Variants in TGM7 observed in about 807,000 individuals in gnomAD.
TGM7 encodes protein-glutamine gamma-glutamyltransferase Z.
In TGM7, 74 loss-of-function variants were observed where a neutral mutation model predicts 79.5. That is an observed-to-expected ratio of 0.93 (90% CI 0.77 to 1.13). The LOEUF is 1.13. Ranked by LOEUF, TGM7 falls within the 50% of genes most tolerant of loss-of-function variation. The probability of loss-of-function intolerance (pLI) is 0.00; values close to 1 mark genes in which losing one functional copy is unlikely to be tolerated. For missense variants in TGM7, 912 were observed against 905.9 expected, an observed-to-expected ratio of 1.01 and a Z score of -0.09; for synonymous variants, 354 against 362.5, an observed-to-expected ratio of 0.98 and a Z score of 0.27.
At chr15:43,298,054 G>C (rs894521286) in intron 1 of TGM7, among the ~76,000 whole-genome samples, 2 of 152,214 alleles carry the variant, frequency 1.3e-5, no homozygotes, top group African/African-American at 4.8e-5. Context: ...ATGTCTGAAA[G>C]AATTTATGTT....
At chr15:43,301,495 T>G (rs1366151884) in intron 1 of TGM7, among the ~76,000 whole-genome samples, 1 of 151,136 alleles carries the variant, frequency 6.6e-6, no homozygotes, top group Non-Finnish European at 1.5e-5. Flanking sequence ...CCGTGTATGG[T>G]GGCAGGCACC....
intron 1 of TGM7, among the ~76,000 whole-genome samples, chr15:43,297,635 A>AAGAG (rs5812242): frequency 0.072 from 5,617 of 77,596 alleles, 228 homozygotes; most frequent in African/African-American, 0.12. Flanking sequence ...GAAAGAAAGA[A>AAGAG]AAAGAAAGAA....
chr15:43,287,329 C>A lies in TGM7; in HGVS notation c.816G>T (p.Gln272His), dbSNP rs981967625. 5 of 1,614,094 alleles carry A rather than the reference C, an allele frequency of 3.1e-6. No homozygotes were observed. In the Admixed American group the frequency reaches 6.7e-5, roughly 22 times the overall value. Reference sequence around the variant, plus strand: ...CCCAGCACTGTCCGTACTTCACAGGCTGCCCGCCCCTGGCTGACCACTGCT... The same window carrying A: ...CCCAGCACTGTCCGTACTTCACAGGATGCCCGCCCCTGGCTGACCACTGCT... ...ILQQWSARGG[Q>H]PVKYGQCWVF... The change falls in exon 6 of 13, where the codon CAG becomes CAT. Residue 272 changes from glutamine to histidine, a missense_variant. By Grantham distance (24) the Gln-to-His change is conservative. Coordinates refer to ENST00000452443, the MANE Select transcript of TGM7 (RefSeq NM_052955.3).
In TGM7 at chr15:43,297,651, A is replaced by G. The variant is rs945200630; in HGVS notation, c.11-4020T>C. ...AAAGAAAGAAAAAGAAAGAAAGAAAAAGACATTGAAACAGCCATCTGCATG... is the reference window on the plus strand; with the variant it reads ...AAAGAAAGAAAAAGAAAGAAAGAAAGAGACATTGAAACAGCCATCTGCATG... On this transcript the variant is annotated intron_variant, in intron 1 of 12. Coordinates refer to ENST00000452443, the MANE Select transcript of TGM7 (RefSeq NM_052955.3). Among the ~76,000 whole-genome samples the G allele has an allele frequency of 6.2e-5, 9 of 145,104 alleles. 1 individual carries two copies. Among genetic ancestry groups the G allele is most frequent in the South Asian group, 2.2e-4 (1 of 4,590 alleles).
Position 43,282,082 on chromosome 15 carries a change from C to A in TGM7, c.1113G>T (p.Leu371=). 6.2e-7 allele frequency: 1 copy of A among 1,614,078 alleles called. No homozygotes were observed. The highest frequency in any genetic ancestry group is 8.5e-7 in the Non-Finnish European group (1 of 1,179,976). The change falls in exon 9 of 13, where the codon CTG becomes CTT. Residue 371 remains leucine, a synonymous_variant. Transcript: ENST00000452443. ...DPTPQQTSSG[L]FCCGPASVKA... The stretch of plus-strand genomic sequence containing the variant: ...TCACAGAGGCAGGGCCACAGCAGAA[C>A]AGCCCTGTGGAGGCAACAGGCTACT...
Position 43,281,841 on chromosome 15 carries a change from C to A in TGM7, c.1351+3G>T. On this transcript the variant is annotated splice_donor_region_variant and intron_variant, in intron 9 of 12. Transcript: ENST00000452443. ...GCCCTTTCCCCAAATACCCGCCCAGCACCTTCTGGGTACTTGTAGGAGCTG... is the reference window on the plus strand; with the variant it reads ...GCCCTTTCCCCAAATACCCGCCCAGAACCTTCTGGGTACTTGTAGGAGCTG... 6.2e-7 allele frequency: 1 copy of A among 1,613,688 alleles called. No homozygotes were observed. Among genetic ancestry groups the A allele is most frequent in the Non-Finnish European group, 8.5e-7 (1 of 1,179,566 alleles).
intron 6 of TGM7, among the ~76,000 whole-genome samples, chr15:43,286,198 C>T (rs1003579286): frequency 9.8e-5 from 15 of 152,298 alleles, no homozygotes; most frequent in African/African-American, 3.6e-4. Context: ...GTGGGAGCTA[C>T]ACCTGGGCTG....
Position 43,279,275 on chromosome 15 carries a change from T to C in TGM7, c.1681A>G (p.Thr561Ala), listed in dbSNP as rs1440403934. 1 of 1,613,646 alleles carries C rather than the reference T, an allele frequency of 6.2e-7. No homozygotes were observed. Among genetic ancestry groups the C allele is most frequent in the African/African-American group, 1.3e-5 (1 of 74,896 alleles). ...VRMNLDFGKE[T>A]QWPLLLPYSN... Reference sequence around the variant, plus strand: ...TAGGGCAGGAGGAGCGGCCACTGTGTCTCTAAGCACATACAAAAGACACCT... The same window carrying C: ...TAGGGCAGGAGGAGCGGCCACTGTGCCTCTAAGCACATACAAAAGACACCT... The change falls in exon 11 of 13, where the codon ACA becomes GCA. Residue 561 changes from threonine to alanine, a missense_variant and splice_region_variant. By Grantham distance (58) the Thr-to-Ala change is moderately conservative (BLOSUM62 0). Transcript: ENST00000452443.
intron 1 of TGM7, among the ~76,000 whole-genome samples, chr15:43,301,176 T>C (rs2043023511): frequency 6.6e-6 from 1 of 151,846 alleles, no homozygotes; most frequent in African/African-American, 2.4e-5. Flanking sequence ...AGAGACAGTA[T>C]TTCACTATGT....
chr15:43,302,047 A>T (rs887372967), intron 1 of TGM7, 194 bp downstream of exon 1: 13 of 646,264 alleles, frequency 2.0e-5, no homozygotes, highest in Non-Finnish European at 3.6e-5. Flanking sequence ...AAAGAAAACG[A>T]ATGGCTGTAG....
At chr15:43,292,475 A>G (rs1448736933) in intron 3 of TGM7, among the ~76,000 whole-genome samples, 2 of 152,230 alleles carry the variant, frequency 1.3e-5, no homozygotes, top group Admixed American at 6.5e-5. Context: ...TTCTGTGCAT[A>G]CTTAATACAA....
chr15:43,292,994 A>G, intron 2 of TGM7, 40 bp from the exon 3 acceptor site: 1 of 1,605,994 alleles, frequency 6.2e-7, no homozygotes, highest in South Asian at 1.1e-5. Context: ...GGCTCAAAAA[A>G]CCTGTATGGT....
At chr15:43,279,047 T>C in intron 11 of TGM7, 70 bp downstream of exon 11, 2 of 1,526,278 alleles carry the variant, frequency 1.3e-6, no homozygotes, top group Non-Finnish European at 1.8e-6. Flanking sequence ...TCTTGTTGGC[T>C]GCTGCACCCC....
Position 43,287,649 on chromosome 15 carries a change from G to A in TGM7, c.579C>T (p.Asp193=), listed in dbSNP as rs1349842045. The change falls in exon 5 of 13, where the codon GAC becomes GAT. Residue 193 remains aspartate, a synonymous_variant. Transcript: ENST00000452443. ...TCTTGTTCAGGATCTCAAAGCAGATGTCTATGATGTCCTCTTCAAACTTCC... is the reference window on the plus strand; with the variant it reads ...TCTTGTTCAGGATCTCAAAGCAGATATCTATGATGTCCTCTTCAAACTTCC... The part of the protein sequence containing the change: ...NYGQFEEDII[D]ICFEILNKSL... The A allele has an allele frequency of 2.5e-6, 4 of 1,613,330 alleles. No individual in the cohort carries two copies. In the African/African-American group the frequency reaches 4.0e-5, roughly 16 times the overall value.
At position 43,279,700 on chromosome 15, in the gene TGM7, C is replaced by T; in HGVS notation, c.1603G>A (p.Ala535Thr). ...TGGGTACCACCCCCATGCAGCAGGG[C>T]CTGTGCACAGAAGCGCACCACCAGT... Reference protein sequence around the residue: ...IGLVVRFCAQALLHGGGTQKP... With the variant: ...IGLVVRFCAQTLLHGGGTQKP... The change falls in exon 10 of 13, where the codon GCC becomes ACC. Residue 535 changes from alanine (A) to threonine (T), a missense_variant. Coordinates refer to ENST00000452443, the MANE Select transcript of TGM7 (RefSeq NM_052955.3). The T allele has an allele frequency of 6.2e-7, 1 of 1,613,960 alleles. No individual in the cohort carries two copies. The highest frequency in any genetic ancestry group is 2.2e-5 in the East Asian group (1 of 44,884).
intron 1 of TGM7, among the ~76,000 whole-genome samples, chr15:43,298,955 C>T (rs1424233656): frequency 6.6e-6 from 1 of 151,270 alleles, no homozygotes; most frequent in Non-Finnish European, 1.5e-5. Flanking sequence ...TCTGATGATT[C>T]CAACTTGATT....
At chr15:43,277,113 G>T in intron 11 of TGM7, 118 bp from the exon 12 acceptor site, 1 of 1,327,752 alleles carries the variant, frequency 7.5e-7, no homozygotes, top group Non-Finnish European at 1.0e-6. Context: ...TAGAGCTAAT[G>T]TGCCACAGTG....
intron 7 of TGM7, among the ~76,000 whole-genome samples, chr15:43,282,918 C>T (rs1467206206): frequency 2.6e-5 from 4 of 152,142 alleles, no homozygotes; most frequent in South Asian, 4.2e-4. Flanking sequence ...GGCATGGTGG[C>T]GGGCACCTGT....
chr15:43,279,998 A>G, intron 9 of TGM7, 47 bp from the exon 10 acceptor site: 1 of 1,567,304 alleles, frequency 6.4e-7, no homozygotes, highest in South Asian at 1.2e-5. Context: ...AGGGGTGGAG[A>G]GGACCAGTGA....
Sources: gnomAD v4.1 joint callset for allele counts (sites outside exome capture counted in the v4.1 genomes callset) on GRCh38, gnomAD v4.1.1 for gene constraint, MANE v1.5 for transcripts, NCBI Gene and HGNC (gene_info 2026-07-23, HGNC 2026-07-21) for gene names.